DTWD2: variants seen among roughly 807,000 people sequenced by gnomAD.
DTWD2 encodes the protein tRNA-uridine aminocarboxypropyltransferase 2.
DTWD2 carries 39 observed loss-of-function variants against 31.8 expected under a neutral mutation model. The observed-to-expected ratio is 1.22, with a 90% CI of 0.95 to 1.60. The LOEUF (loss-of-function observed/expected upper bound fraction) is 1.60, where lower values mean the gene tolerates loss of function less well. DTWD2 is among the 40% of genes most tolerant of loss of function. The pLI is 0.00. For synonymous variants in DTWD2, 180 were observed against 142.8 expected (o/e 1.26, Z -1.86); for missense variants, 515 against 381.5 (o/e 1.35, Z -2.92).
chr5:118,944,235 T>C (rs965249846), intron 2 of DTWD2, among the ~76,000 whole-genome samples: 1 of 152,338 alleles, frequency 6.6e-6, no homozygotes, highest in Admixed American at 6.5e-5. Context: ...ACATAAGCTA[T>C]GACCAAAATT....
rs1233744846 is a variant in DTWD2 at position 118,969,564 on chromosome 5, C to G, written c.218+18730G>C. Among the ~76,000 whole-genome samples the G allele has an allele frequency of 2.6e-5, 4 of 152,126 alleles. No individual in the cohort carries two copies. In the East Asian group the frequency reaches 7.7e-4, roughly 29 times the overall value. On this transcript the variant is annotated intron_variant, in intron 1 of 5. Transcript: ENST00000510708. ...AAGGAGATTAGGGTCTGGAGTGGAACCCCAACAACCACAGCAGCCCTATGG... is the reference window on the plus strand; with the variant it reads ...AAGGAGATTAGGGTCTGGAGTGGAAGCCCAACAACCACAGCAGCCCTATGG...
At chr5:118,949,595 T>A (rs912944890) in intron 1 of DTWD2, among the ~76,000 whole-genome samples, 3 of 152,176 alleles carry the variant, frequency 2.0e-5, no homozygotes, top group African/African-American at 7.2e-5. Flanking sequence ...AAGTGAGTGA[T>A]AACAGGCTTT....
intron 1 of DTWD2, among the ~76,000 whole-genome samples, chr5:118,958,001 CCTAT>C (rs1489322894): frequency 1.3e-5 from 2 of 151,892 alleles, no homozygotes; most frequent in Admixed American, 6.6e-5. Flanking sequence ...GAAAAATAAG[CCTAT>C]CTATTAAAAT....
intron 1 of DTWD2, among the ~76,000 whole-genome samples, chr5:118,975,114 A>G (rs1295089991): frequency 6.6e-6 from 1 of 152,128 alleles, no homozygotes; most frequent in Non-Finnish European, 1.5e-5. Context: ...TATCCTGAAG[A>G]GTGTTTTCCA....
chr5:118,890,729 C>A (rs1245702107), intron 4 of DTWD2, among the ~76,000 whole-genome samples: 1 of 152,000 alleles, frequency 6.6e-6, no homozygotes, highest in Non-Finnish European at 1.5e-5. Context: ...CGCCACCACA[C>A]CCAGGTAATT....
intron 1 of DTWD2, among the ~76,000 whole-genome samples, chr5:118,944,851 C>T (rs928160946): frequency 2.6e-5 from 4 of 152,070 alleles, no homozygotes; most frequent in African/African-American, 4.8e-5. Context: ...AAATTCTTTA[C>T]CACTTATATA....
intron 4 of DTWD2, among the ~76,000 whole-genome samples, chr5:118,876,976 T>C (rs954817177): frequency 1.3e-5 from 2 of 152,148 alleles, no homozygotes; most frequent in Non-Finnish European, 2.9e-5. Flanking sequence ...CAAAAATGCC[T>C]AACACAATAC....
rs537962406 is a variant in DTWD2, at chr5:118,913,460, T to C, written c.597+15077A>G. ...ACACACACACACACACGTGTGTGTGTGTTTCTCTCTGGAGAACTGACTCAT... is the reference window on the plus strand; with the variant it reads ...ACACACACACACACACGTGTGTGTGCGTTTCTCTCTGGAGAACTGACTCAT... On this transcript the variant is annotated intron_variant, in intron 4 of 5. Coordinates refer to ENST00000510708, the MANE Select transcript of DTWD2 (RefSeq NM_173666.4). 1.0e-3 allele frequency among the ~76,000 whole-genome samples: 155 copies of C among 148,384 alleles called. 3 individuals carry two copies. In the South Asian group the frequency reaches 0.011, roughly 10 times the overall value.
chr5:118,942,694 C>T (rs1428237562), intron 2 of DTWD2, among the ~76,000 whole-genome samples: 1 of 151,970 alleles, frequency 6.6e-6, no homozygotes. Context: ...AATGAAAACA[C>T]CCACACTAAA....
chr5:118,947,811 C>G (rs527687168), intron 1 of DTWD2, among the ~76,000 whole-genome samples: 1 of 152,110 alleles, frequency 6.6e-6, no homozygotes, highest in South Asian at 2.1e-4. Flanking sequence ...CAATTTTAAC[C>G]TTTTACAGAT....
intron 1 of DTWD2, among the ~76,000 whole-genome samples, chr5:118,958,622 G>A (rs1374184068): frequency 6.9e-6 from 1 of 144,664 alleles, no homozygotes; most frequent in Non-Finnish European, 1.5e-5. Context: ...ACACCTCCAC[G>A]CACATAAACT....
At position 118,939,345 on chromosome 5, in the gene DTWD2, T is replaced by A. The variant is rs1369770835; in HGVS notation, c.310-55A>T. 5.8e-6 allele frequency: 8 copies of A among 1,370,772 alleles called. No individual in the cohort carries two copies. In the African/African-American group the frequency reaches 1.2e-4, roughly 21 times the overall value. The allele number at this position is 1,370,772 out of a possible 1,614,324, so 84.9% of individuals were successfully genotyped here. On this transcript the variant is annotated intron_variant, in intron 2 of 5. Transcript: ENST00000510708. ...ATTTTTACTTAGATATACACACTTT[T>A]AAATATTTTATAATGAACATCTGAT...
intron 1 of DTWD2, among the ~76,000 whole-genome samples, chr5:118,982,041 G>C (rs568642900): frequency 1.5e-3 from 229 of 152,292 alleles, no homozygotes; most frequent in Non-Finnish European, 2.6e-3. Context: ...CTGACCTAAA[G>C]AGTCTATAAA....
In DTWD2 at chr5:118,902,585, T is replaced by A. The variant is rs773071434; in HGVS notation, c.597+25952A>T. Among the ~76,000 whole-genome samples, 60 of 152,240 alleles carry A rather than the reference T, an allele frequency of 3.9e-4. 1 individual carries two copies. The highest frequency in any genetic ancestry group is 1.1e-3 in the Admixed American group (17 of 15,296). On this transcript the variant is annotated intron_variant, in intron 4 of 5. Transcript: ENST00000510708. ...TTTCTTTATACTTAGAAAATATATA[T>A]GTTTTTAAAGTTTCTGATCAATGTA...
chr5:118,882,552 C>T (rs1181505362), intron 4 of DTWD2, among the ~76,000 whole-genome samples: 1 of 152,270 alleles, frequency 6.6e-6, no homozygotes, highest in Non-Finnish European at 1.5e-5. Flanking sequence ...GGCTCTGCAC[C>T]TGCAGCAGAC....
At chr5:118,934,896 T>C (rs556427446) in intron 3 of DTWD2, among the ~76,000 whole-genome samples, 41 of 152,290 alleles carry the variant, frequency 2.7e-4, no homozygotes, top group African/African-American at 9.6e-4. Flanking sequence ...ATTTGTGATA[T>C]TGTGAAATAT....
rs926298256 is a variant in DTWD2 at position 118,837,084 on chromosome 5, A to C, written c.*3833T>G. On this transcript the variant is annotated 3_prime_UTR_variant, in exon 6 of 6. Coordinates refer to ENST00000510708, the MANE Select transcript of DTWD2 (RefSeq NM_173666.4). ...TAAGGATGTATGAGTATTTGTATAA[A>C]TAACAACAGCTAGTACATACAATAA... Among the ~76,000 whole-genome samples the C allele has an allele frequency of 6.6e-6, 1 of 152,242 alleles. No individual in the cohort carries two copies. Among genetic ancestry groups the C allele is most frequent in the African/African-American group, 2.4e-5 (1 of 41,464 alleles).
intron 1 of DTWD2, among the ~76,000 whole-genome samples, chr5:118,961,851 C>T (rs1283427501): frequency 2.0e-5 from 3 of 152,050 alleles, no homozygotes; most frequent in Non-Finnish European, 4.4e-5. Context: ...TTCTTTGCTA[C>T]AAAGTAAAGA....
chr5:118,865,130 T>TA (rs1190335036), intron 4 of DTWD2, among the ~76,000 whole-genome samples: 2 of 152,200 alleles, frequency 1.3e-5, no homozygotes, highest in Non-Finnish European at 2.9e-5. Context: ...AGTGAGTACT[T>TA]ACAATTTCTG....
Sources: allele counts gnomAD v4.1 joint callset (sites outside exome capture counted in the v4.1 genomes callset), GRCh38; gene constraint gnomAD v4.1.1; transcripts MANE v1.5; gene names NCBI Gene and HGNC (gene_info 2026-07-23, HGNC 2026-07-21).